The following GABBR2 variants were observed in gnomAD, a reference collection of about 807,000 sequenced individuals.
GABBR2 encodes the protein gamma-aminobutyric acid type B receptor subunit 2, also known as G-protein coupled receptor 51.
GABBR2 carries 23 observed loss-of-function variants against 105.6 expected under a neutral mutation model. That is an observed-to-expected ratio of 0.22 (90% CI 0.16 to 0.31). The LOEUF is 0.31. Ranked by LOEUF, GABBR2 falls within the 10% of genes least tolerant of loss-of-function variation. The pLI is 1.00. For synonymous variants in GABBR2, 478 were observed against 499.7 expected (o/e 0.96, Z 0.58); for missense variants, 734 against 1,245.5 (o/e 0.59, Z 6.18).
chr9:98,625,904 T>C (rs1829730530), intron 1 of GABBR2, among the ~76,000 whole-genome samples: 1 of 152,148 alleles, frequency 6.6e-6, no homozygotes, highest in Non-Finnish European at 1.5e-5. Context: ...ACACAATATG[T>C]AGTGATCTGG....
chr9:98,706,896 T>C (rs1458416697), intron 1 of GABBR2, among the ~76,000 whole-genome samples: 1 of 152,094 alleles, frequency 6.6e-6, no homozygotes, highest in Admixed American at 6.5e-5. Context: ...CCACAGAACT[T>C]GAGATGCTCA....
chr9:98,565,747 TA>T (rs1180051477), intron 2 of GABBR2, among the ~76,000 whole-genome samples: 1 of 152,152 alleles, frequency 6.6e-6, no homozygotes, highest in Non-Finnish European at 1.5e-5. Flanking sequence ...TGGAAGAGGC[TA>T]AGCAACCTGC....
At chr9:98,600,968 T>TC (rs1022366775) in intron 1 of GABBR2, among the ~76,000 whole-genome samples, 2 of 152,072 alleles carry the variant, frequency 1.3e-5, no homozygotes, top group Non-Finnish European at 2.9e-5. Flanking sequence ...GGCCCTCTGG[T>TC]CCCCCGGTGA....
At chr9:98,648,080 G>GGTGTGTGT (rs1554723457) in intron 1 of GABBR2, among the ~76,000 whole-genome samples, 3 of 67,978 alleles carry the variant, frequency 4.4e-5, no homozygotes, top group South Asian at 6.0e-4. Flanking sequence ...AATCATACAG[G>GGTGTGTGT]GTGTGTGTGT....
At chr9:98,667,353 G>A (rs1368923916) in intron 1 of GABBR2, among the ~76,000 whole-genome samples, 1 of 152,056 alleles carries the variant, frequency 6.6e-6, no homozygotes, top group African/African-American at 2.4e-5. Context: ...CACTGGGTGG[G>A]GTGGGGCTGC....
rs932286276 is a variant in GABBR2 at position 98,588,067 on chromosome 9, A to G, written c.322-9995T>C. ...TACTTAAATAAAAAAAATACAGATT[A>G]CTTTTATAAAGACAGAAAGTCATTT... On this transcript the variant is annotated intron_variant, in intron 1 of 18. Coordinates refer to ENST00000259455, the MANE Select transcript of GABBR2 (RefSeq NM_005458.8). Among the ~76,000 whole-genome samples, 4 of 152,324 alleles carry G rather than the reference A, an allele frequency of 2.6e-5. No homozygotes were observed. In the East Asian group the frequency reaches 7.7e-4, roughly 29 times the overall value.
chr9:98,386,338 G>C (rs1441039972), intron 10 of GABBR2, among the ~76,000 whole-genome samples: 2 of 151,476 alleles, frequency 1.3e-5, no homozygotes, highest in Non-Finnish European at 2.9e-5. Context: ...GCCTTGAGTA[G>C]ACCATGTCAA....
At chr9:98,387,255 A>T (rs1057410171) in intron 10 of GABBR2, among the ~76,000 whole-genome samples, 2 of 152,240 alleles carry the variant, frequency 1.3e-5, no homozygotes, top group Non-Finnish European at 2.9e-5. Context: ...AAAACAAAAA[A>T]CTTCACCTGG....
At chr9:98,648,109 GTGTGTGT>G (rs1196867555) in intron 1 of GABBR2, among the ~76,000 whole-genome samples, 49 of 56,042 alleles carry the variant, frequency 8.7e-4, no homozygotes, top group African/African-American at 3.0e-3. Context: ...GTGTGTGTGT[GTGTGTGT>G]ATAGATAGAT....
At chr9:98,599,070 C>A (rs1343333327) in intron 1 of GABBR2, among the ~76,000 whole-genome samples, 1 of 152,144 alleles carries the variant, frequency 6.6e-6, no homozygotes, top group African/African-American at 2.4e-5. Context: ...AAGACGGGCA[C>A]CCCCAGCTGC....
intron 2 of GABBR2, among the ~76,000 whole-genome samples, chr9:98,545,926 G>A (rs1244206789): frequency 3.3e-5 from 5 of 152,186 alleles, no homozygotes; most frequent in Non-Finnish European, 7.3e-5. Context: ...CAAGCTTTCT[G>A]AGCTCTCCTG....
intron 12 of GABBR2, among the ~76,000 whole-genome samples, chr9:98,367,582 T>C (rs1402746385): frequency 6.6e-6 from 1 of 152,162 alleles, no homozygotes; most frequent in East Asian, 1.9e-4. Context: ...ACGAACAACA[T>C]GAACTGCCAA....
rs1233560287 is a variant in GABBR2 at position 98,407,630 on chromosome 9, AT to A, written c.1237-1490del. Among the ~76,000 whole-genome samples the A allele has an allele frequency of 1.2e-4, 18 of 150,278 alleles. 1 individual carries two copies. Among genetic ancestry groups the A allele is most frequent in the South Asian group, 8.5e-4 (4 of 4,726 alleles). On this transcript the variant is annotated intron_variant, in intron 7 of 18. Transcript: ENST00000259455. ...TGGGAAAGGCTGTCCACAAGGAGAA[AT>A]TTTTTTTTTGTCTGACAGGATGGGG...
chr9:98,371,723 T>C, intron 11 of GABBR2, 152 bp from the exon 12 acceptor site: 3 of 609,942 alleles, frequency 4.9e-6, no homozygotes, highest in Non-Finnish European at 8.9e-6. Flanking sequence ...TCAATCAAAT[T>C]TCCATTCAAT....
intron 3 of GABBR2, among the ~76,000 whole-genome samples, chr9:98,524,349 C>T (rs560466412): frequency 8.5e-5 from 13 of 152,192 alleles, no homozygotes; most frequent in South Asian, 8.3e-4. Flanking sequence ...AGCACAATCA[C>T]GGCAAAATAT....
intron 1 of GABBR2, among the ~76,000 whole-genome samples, chr9:98,598,322 C>G (rs765230300): frequency 2.0e-5 from 3 of 152,190 alleles, no homozygotes; most frequent in Non-Finnish European, 4.4e-5. Flanking sequence ...ATCACCTACT[C>G]TACAGGTAGA....
At chr9:98,334,516 A>G (rs149766026) in intron 13 of GABBR2, among the ~76,000 whole-genome samples, 1 of 152,202 alleles carries the variant, frequency 6.6e-6, no homozygotes, top group African/African-American at 2.4e-5. Flanking sequence ...GTGCTTTGTG[A>G]ACTTTGCCAT....
chr9:98,330,140 C>T (rs950904684), intron 13 of GABBR2, among the ~76,000 whole-genome samples: 30 of 152,300 alleles, frequency 2.0e-4, no homozygotes, highest in Admixed American at 1.6e-3. Context: ...TACTTTCTAT[C>T]GGCAAGCTGC....
intron 1 of GABBR2, among the ~76,000 whole-genome samples, chr9:98,588,881 A>G (rs956864314): frequency 2.0e-5 from 3 of 152,180 alleles, no homozygotes; most frequent in African/African-American, 7.2e-5. Context: ...GTGAGTGGGG[A>G]AAAAATGCAA....
Sources: gnomAD v4.1 joint callset for allele counts (sites outside exome capture counted in the v4.1 genomes callset) on GRCh38, gnomAD v4.1.1 for gene constraint, MANE v1.5 for transcripts, NCBI Gene and HGNC (gene_info 2026-07-23, HGNC 2026-07-21) for gene names.